Variants in RABGAP1L observed in about 807,000 individuals in gnomAD.
RABGAP1L encodes RAB GTPase activating protein 1 like, also known as rab GTPase-activating protein 1-like.
In RABGAP1L, 63 loss-of-function variants were observed where a neutral mutation model predicts 137.7. The observed-to-expected ratio is 0.46, with a 90% CI of 0.37 to 0.56. The LOEUF is 0.56. Among genes scored for constraint, RABGAP1L ranks in the 20% least tolerant of loss-of-function variants. The pLI, the probability that RABGAP1L is intolerant of heterozygous loss-of-function variation, is 0.00. For missense variants in RABGAP1L, 1,095 were observed against 1,244.0 expected (o/e 0.88, Z 1.80); for synonymous variants, 431 against 433.7 (o/e 0.99, Z 0.08).
At chr1:174,211,954 C>G (rs895144296) in intron 1 of RABGAP1L, among the ~76,000 whole-genome samples, 2 of 152,014 alleles carry the variant, frequency 1.3e-5, no homozygotes, top group African/African-American at 4.8e-5. Flanking sequence ...ATATATGCAC[C>G]TAACCCTAGA....
chr1:174,658,828 A>G (rs1049263886), intron 14 of RABGAP1L, among the ~76,000 whole-genome samples: 1 of 152,312 alleles, frequency 6.6e-6, no homozygotes, highest in South Asian at 2.1e-4. Flanking sequence ...TCCGTTCTTC[A>G]TGAGTTTTAC....
At chr1:174,233,266 A>ATTT (rs34674306) in intron 4 of RABGAP1L, among the ~76,000 whole-genome samples, 80 of 150,080 alleles carry the variant, frequency 5.3e-4, no homozygotes, top group Middle Eastern at 3.4e-3. Context: ...TATGAAGATA[A>ATTT]TTTTTTTTTT....
chr1:174,748,097 A>G (rs1684035355), intron 17 of RABGAP1L, among the ~76,000 whole-genome samples: 1 of 152,174 alleles, frequency 6.6e-6, no homozygotes, highest in South Asian at 2.1e-4. Flanking sequence ...TGTGAGAGCT[A>G]TTTTGGCTAT....
At chr1:174,385,438 T>C (rs897784672) in intron 12 of RABGAP1L, among the ~76,000 whole-genome samples, 9 of 152,196 alleles carry the variant, frequency 5.9e-5, no homozygotes, top group African/African-American at 2.2e-4. Flanking sequence ...ATCAATTTCA[T>C]GTAACATTGA....
chr1:174,690,874 C>A (rs544906571), intron 15 of RABGAP1L, among the ~76,000 whole-genome samples: 1 of 148,648 alleles, frequency 6.7e-6, no homozygotes, highest in African/African-American at 2.5e-5. Context: ...GCTCTATGAC[C>A]CAGGCTGGAG....
At chr1:174,956,565 A>G (rs1207492653) in intron 19 of RABGAP1L, among the ~76,000 whole-genome samples, 3 of 151,788 alleles carry the variant, frequency 2.0e-5, no homozygotes, top group East Asian at 1.9e-4. Context: ...TAATGATTCT[A>G]TATTTGAGTT....
intron 11 of RABGAP1L, among the ~76,000 whole-genome samples, chr1:174,346,130 G>A (rs899206131): frequency 6.6e-6 from 1 of 152,040 alleles, no homozygotes; most frequent in Non-Finnish European, 1.5e-5. Context: ...TTAATGTGTT[G>A]CTGAGTTTGG....
rs1159916213 is a variant in RABGAP1L, at chr1:174,241,481, A to G, written c.543-2A>G. The stretch of plus-strand genomic sequence containing the variant: ...ATCTAACTTTTCATTACTGTTCTAC[A>G]GAATTATAGACCAATCCAGCAATGT... On this transcript the variant is annotated splice_acceptor_variant, in intron 4 of 25. Transcript: ENST00000681986. LOFTEE classifies it high-confidence loss of function. The G allele has an allele frequency of 6.5e-6, 10 of 1,535,454 alleles. No individual in the cohort carries two copies. Among genetic ancestry groups the G allele is most frequent in the Non-Finnish European group, 8.8e-6 (10 of 1,138,560 alleles).
intron 19 of RABGAP1L, among the ~76,000 whole-genome samples, chr1:174,894,108 A>G (rs1396875777): frequency 6.6e-6 from 1 of 152,220 alleles, no homozygotes; most frequent in African/African-American, 2.4e-5. Flanking sequence ...TTCGGATTCC[A>G]TATCTGCAAG....
intron 18 of RABGAP1L, chr1:174,799,907 G>T: frequency 1.0e-6 from 1 of 985,232 alleles, no homozygotes; most frequent in Non-Finnish European, 1.2e-6. Context: ...CTCACACATA[G>T]ACACGCACAC....
chr1:174,874,231 A>G (rs1652692974), intron 19 of RABGAP1L, among the ~76,000 whole-genome samples: 1 of 149,748 alleles, frequency 6.7e-6, no homozygotes, highest in Non-Finnish European at 1.5e-5. Flanking sequence ...TTTCTATCAA[A>G]TAAACCTATT....
rs142406436 is a variant in RABGAP1L at position 174,730,348 on chromosome 1, A to G, written c.2170-21965A>G. On this transcript the variant is annotated intron_variant, in intron 17 of 25. Coordinates refer to ENST00000681986, the MANE Select transcript of RABGAP1L (RefSeq NM_001366446.1). ...AAAAGGGTGGGAACAAGGGTTGACA[A>G]GCTAACTGTTGGATACTATGCTCAG... Among the ~76,000 whole-genome samples the G allele has an allele frequency of 2.1e-3, 319 of 152,308 alleles. 2 individuals are homozygous for G. The highest frequency in any genetic ancestry group is 6.7e-3 in the African/African-American group (280 of 41,572).
At chr1:174,580,699 G>A (rs1456976368) in intron 13 of RABGAP1L, among the ~76,000 whole-genome samples, 9 of 152,124 alleles carry the variant, frequency 5.9e-5, no homozygotes, top group Admixed American at 5.2e-4. Context: ...GTTAATGGGT[G>A]CAGCGCACCA....
Position 174,259,726 on chromosome 1 carries a change from C to G in RABGAP1L, c.986+7136C>G, listed in dbSNP as rs74978223. ...TCACATATTAAGCTTTATTTAATAA[C>G]TGGATATAAAAGAGCAATAATAATG... is the stretch of plus-strand genomic sequence containing the variant. On this transcript the variant is annotated intron_variant, in intron 7 of 25. Coordinates refer to ENST00000681986, the MANE Select transcript of RABGAP1L (RefSeq NM_001366446.1). Among the ~76,000 whole-genome samples, 5 of 152,170 alleles carry G rather than the reference C, an allele frequency of 3.3e-5. No homozygotes were observed. The East Asian group carries it at 5.8e-4, about 18-fold the overall frequency.
intron 17 of RABGAP1L, among the ~76,000 whole-genome samples, chr1:174,744,334 A>G (rs952211044): frequency 6.7e-6 from 1 of 150,098 alleles, no homozygotes; most frequent in Non-Finnish European, 1.5e-5. Flanking sequence ...ATTTAAGAGC[A>G]GCTAGTATTA....
intron 18 of RABGAP1L, among the ~76,000 whole-genome samples, chr1:174,797,535 GTGTC>G (rs1688338967): frequency 7.8e-6 from 1 of 128,210 alleles, no homozygotes; most frequent in Middle Eastern, 4.0e-3. Context: ...TGTGTGTGGT[GTGTC>G]TGTGGGTGTG....
intron 19 of RABGAP1L, among the ~76,000 whole-genome samples, chr1:174,837,181 T>C (rs904698746): frequency 2.0e-5 from 3 of 149,886 alleles, no homozygotes; most frequent in African/African-American, 7.4e-5. Context: ...CACTCCTGCC[T>C]GGGCAACAAG....
chr1:174,378,659 T>C (rs992996472), intron 12 of RABGAP1L, among the ~76,000 whole-genome samples: 7 of 152,150 alleles, frequency 4.6e-5, no homozygotes, highest in African/African-American at 1.7e-4. Context: ...TAAATTTGTT[T>C]GAGTTCATTG....
intron 1 of RABGAP1L, among the ~76,000 whole-genome samples, chr1:174,190,198 G>A (rs1252848104): frequency 6.6e-6 from 1 of 151,638 alleles, no homozygotes; most frequent in African/African-American, 2.4e-5. Flanking sequence ...AGCTACTTGG[G>A]AGGCTGAGCC....
Sources: gnomAD v4.1 joint callset for allele counts (sites outside exome capture counted in the v4.1 genomes callset) on GRCh38, gnomAD v4.1.1 for gene constraint, MANE v1.5 for transcripts, NCBI Gene and HGNC (gene_info 2026-07-23, HGNC 2026-07-21) for gene names.